CHRM2: variants seen among roughly 807,000 people sequenced by gnomAD.
CHRM2 encodes muscarinic acetylcholine receptor M2.
CHRM2 carries 8 observed loss-of-function variants against 25.0 expected under a neutral mutation model. That is an observed-to-expected ratio of 0.32 (90% confidence interval 0.19 to 0.58). The LOEUF is 0.58. CHRM2 is among the 20% of genes least tolerant of loss of function. The pLI is 0.88. For missense variants in CHRM2, 440 were observed against 567.1 expected (o/e 0.78, Z 2.28); for synonymous variants, 202 against 205.7 (o/e 0.98, Z 0.15).
intron 2 of CHRM2, among the ~76,000 whole-genome samples, chr7:136,978,481 T>G (rs1802259652): frequency 6.6e-6 from 1 of 152,204 alleles, no homozygotes; most frequent in East Asian, 1.9e-4. Context: ...CTTTAAGTTT[T>G]GGGATACATG....
intron 2 of CHRM2, among the ~76,000 whole-genome samples, chr7:136,898,146 T>A (rs1797005383): frequency 6.6e-6 from 1 of 152,166 alleles, no homozygotes; most frequent in East Asian, 1.9e-4. Flanking sequence ...CGTTTACAAT[T>A]AGCATTGCAA....
rs7782639 is a variant in CHRM2 at position 137,004,166 on chromosome 7, T to C, written c.-46-10654T>C. 8.4e-3 allele frequency among the ~76,000 whole-genome samples: 1,282 copies of C among 152,270 alleles called. 18 individuals carry two copies. Among genetic ancestry groups the C allele is most frequent in the African/African-American group, 0.029 (1,203 of 41,560 alleles). ...TCCATTTGCTGTCTACTGGAAGATCTTCCATTCTCAGGCATTATATAGGAA... is the reference window on the plus strand; with the variant it reads ...TCCATTTGCTGTCTACTGGAAGATCCTCCATTCTCAGGCATTATATAGGAA... On this transcript the variant is annotated intron_variant, in intron 3 of 3. Transcript: ENST00000680005.
At chr7:136,875,560 C>G (rs537019398) in intron 2 of CHRM2, among the ~76,000 whole-genome samples, 67 of 152,266 alleles carry the variant, frequency 4.4e-4, no homozygotes, top group Middle Eastern at 6.8e-3. Flanking sequence ...CCATATGCTT[C>G]TAACCGGTCT....
At chr7:137,007,820 A>T (rs1230536316) in intron 3 of CHRM2, among the ~76,000 whole-genome samples, 1 of 152,042 alleles carries the variant, frequency 6.6e-6, no homozygotes, top group African/African-American at 2.4e-5. Flanking sequence ...GTACAATTGA[A>T]CCTTTCTTTA....
At chr7:136,953,740 A>T (rs1800554182) in intron 2 of CHRM2, among the ~76,000 whole-genome samples, 1 of 152,062 alleles carries the variant, frequency 6.6e-6, no homozygotes, top group African/African-American at 2.4e-5. Flanking sequence ...ATGAAAAAAA[A>T]AAACAAATAT....
At chr7:136,876,186 G>A (rs904554649) in intron 2 of CHRM2, among the ~76,000 whole-genome samples, 14 of 152,086 alleles carry the variant, frequency 9.2e-5, no homozygotes, top group Non-Finnish European at 1.3e-4. Context: ...ATAGCAACAT[G>A]TTTTGGAAGG....
At chr7:136,880,939 G>C (rs1027742620) in intron 2 of CHRM2, among the ~76,000 whole-genome samples, 1 of 151,478 alleles carries the variant, frequency 6.6e-6, no homozygotes, top group African/African-American at 2.4e-5. Context: ...TATCCAGAAT[G>C]TTACTTAGTT....
chr7:136,966,839 A>C (rs1801447298), intron 2 of CHRM2, among the ~76,000 whole-genome samples: 1 of 151,982 alleles, frequency 6.6e-6, no homozygotes, highest in Admixed American at 6.6e-5. Context: ...AATCAGTGTC[A>C]AAAATTCTTG....
chr7:136,997,513 G>T (rs777810388), intron 3 of CHRM2, among the ~76,000 whole-genome samples: 2 of 152,072 alleles, frequency 1.3e-5, no homozygotes, highest in African/African-American at 4.8e-5. Flanking sequence ...ATGTCCAAAC[G>T]CAGATGAAGG....
intron 2 of CHRM2, among the ~76,000 whole-genome samples, chr7:136,877,478 C>T (rs1355396318): frequency 2.6e-5 from 4 of 151,884 alleles, no homozygotes; most frequent in Non-Finnish European, 5.9e-5. Context: ...TCATATATAT[C>T]TTCATGATTC....
intron 2 of CHRM2, among the ~76,000 whole-genome samples, chr7:136,874,020 TC>T (rs1295652172): frequency 1.3e-5 from 2 of 152,220 alleles, no homozygotes; most frequent in African/African-American, 4.8e-5. Flanking sequence ...TTGATATCAT[TC>T]AGCTGAGTTC....
intron 2 of CHRM2, among the ~76,000 whole-genome samples, chr7:136,879,894 A>T (rs1796195258): frequency 6.6e-6 from 1 of 151,840 alleles, no homozygotes. Context: ...ATAAAATGAG[A>T]TTTTCCTATC....
Position 136,998,026 on chromosome 7 carries a change from T to C in CHRM2, c.-47+5762T>C, listed in dbSNP as rs867916655. ...CCAAGGACAAACCTTTGCTATGACA[T>C]TGAAGAGAATATACAAATGAACTTG... On this transcript the variant is annotated intron_variant, in intron 3 of 3. Coordinates refer to ENST00000680005, the MANE Select transcript of CHRM2 (RefSeq NM_001006630.2). Among the ~76,000 whole-genome samples the C allele has an allele frequency of 7.2e-5, 11 of 152,196 alleles. No individual in the cohort carries two copies. In the East Asian group the frequency reaches 1.9e-3, roughly 27 times the overall value.
intron 2 of CHRM2, among the ~76,000 whole-genome samples, chr7:136,877,607 T>A (rs1041453195): frequency 6.6e-6 from 1 of 152,034 alleles, no homozygotes; most frequent in Admixed American, 6.6e-5. Context: ...GTGGAGGAGT[T>A]AGAGAAAGTG....
chr7:136,977,025 T>C (rs775997086), intron 2 of CHRM2, among the ~76,000 whole-genome samples: 2 of 152,232 alleles, frequency 1.3e-5, no homozygotes, highest in Non-Finnish European at 2.9e-5. Context: ...GTACTGTGTG[T>C]ACTACTATTG....
chr7:136,907,045 T>C (rs1009522703), intron 2 of CHRM2: 1 of 151,810 alleles, frequency 6.6e-6, no homozygotes, highest in Non-Finnish European at 1.5e-5. Flanking sequence ...CTCTCACATA[T>C]GCAGCTCGCA....
In CHRM2 at chr7:136,921,426, A is replaced by C. The variant is rs192972744; in HGVS notation, c.-125+52008A>C. On this transcript the variant is annotated intron_variant, in intron 2 of 3. Transcript: ENST00000680005. ...TTACATGATCTCTTAAAATCCCCCA[A>C]AAAATCATTCCATTCTCTGAAGTTC... 6.6e-4 allele frequency among the ~76,000 whole-genome samples: 101 copies of C among 152,192 alleles called. 1 individual carries two copies. In the East Asian group the frequency reaches 0.011, roughly 17 times the overall value.
At chr7:137,000,859 C>T (rs34539155) in intron 3 of CHRM2, among the ~76,000 whole-genome samples, 12,656 of 151,902 alleles carry the variant, frequency 0.083, 811 homozygotes, top group Non-Finnish European at 0.11. Flanking sequence ...TTTTCCAATT[C>T]GCTTAACCCC....
At chr7:136,910,403 T>A (rs1428545467) in intron 2 of CHRM2, among the ~76,000 whole-genome samples, 1 of 151,882 alleles carries the variant, frequency 6.6e-6, no homozygotes, top group Non-Finnish European at 1.5e-5. Flanking sequence ...AGCAATAAGA[T>A]GGGTTCTCTG....
Sources: allele counts gnomAD v4.1 joint callset (sites outside exome capture counted in the v4.1 genomes callset), GRCh38; gene constraint gnomAD v4.1.1; transcripts MANE v1.5; gene names NCBI Gene and HGNC (gene_info 2026-07-23, HGNC 2026-07-21).